The following TPD52 variants were observed in gnomAD, a reference collection of about 807,000 sequenced individuals.
The protein encoded by TPD52 is prostate and colon associated protein.
In TPD52, 17 loss-of-function variants were observed where a neutral mutation model predicts 31.3. That is an observed-to-expected ratio of 0.54 (90% CI 0.37 to 0.82). TPD52 has a LOEUF of 0.82. TPD52 is among the 40% of genes least tolerant of loss of function. The pLI is 0.00. For missense variants in TPD52, 212 were observed against 240.1 expected, an observed-to-expected ratio of 0.88 and a Z score of 0.77; for synonymous variants, 83 against 89.6, an observed-to-expected ratio of 0.93 and a Z score of 0.42.
At chr8:80,124,926 C>T (rs1357472073) in intron 1 of TPD52, among the ~76,000 whole-genome samples, 1 of 152,172 alleles carries the variant, frequency 6.6e-6, no homozygotes, top group Admixed American at 6.5e-5. Flanking sequence ...CACAACCTCC[C>T]TTACTCATAT....
rs995920027 is a variant in TPD52, at chr8:80,081,159, T to C, written c.20-16566A>G. ...GACTGACTTTTCTTTTCTCTCTCTTTTTTTTTTTTTTTTTTTTTTTAGAAA... is the reference window on the plus strand; with the variant it reads ...GACTGACTTTTCTTTTCTCTCTCTTCTTTTTTTTTTTTTTTTTTTTAGAAA... On this transcript the variant is annotated intron_variant, in intron 1 of 7. Coordinates refer to ENST00000518937, the MANE Select transcript of TPD52 (RefSeq NM_001025253.3). Among the ~76,000 whole-genome samples the C allele has an allele frequency of 1.3e-3, 172 of 135,618 alleles. No individual in the cohort carries two copies. The Middle Eastern group carries it at 0.018, about 14-fold the overall frequency. The allele number at this position is 135,618 out of a possible 152,430, so 89.0% of individuals were successfully genotyped here.
intron 1 of TPD52, among the ~76,000 whole-genome samples, chr8:80,157,943 T>C (rs1298963819): frequency 6.6e-6 from 1 of 152,202 alleles, no homozygotes; most frequent in Non-Finnish European, 1.5e-5. Context: ...TCCACAGGCA[T>C]AGCAAATCCA....
In TPD52 at chr8:80,072,317, A is replaced by ATATGTGTGTGTGTGTGTG. The variant is rs1554582865; in HGVS notation, c.20-7725_20-7724insCACACACACACACACATA. On this transcript the variant is annotated intron_variant, in intron 1 of 7. Transcript: ENST00000518937. ...GAGAGACTCCATCTAAAAAACATAT[A>ATATGTGTGTGTGTGTGTG]TGTGTGTGTGTGTGTGTGTGTGTGT... 2.0e-4 allele frequency among the ~76,000 whole-genome samples: 24 copies of ATATGTGTGTGTGTGTGTG among 121,312 alleles called. 2 individuals carry two copies. Among genetic ancestry groups the ATATGTGTGTGTGTGTGTG allele is most frequent in the African/African-American group, 8.4e-4 (23 of 27,378 alleles). 79.6% of individuals were successfully genotyped at this position (121,312 alleles called of 152,430 possible). A position where few individuals can be genotyped will look rare whatever the true frequency, so the allele number is the denominator to read the frequency against.
At chr8:80,167,672 C>T (rs1454892187) in intron 1 of TPD52, among the ~76,000 whole-genome samples, 1 of 152,182 alleles carries the variant, frequency 6.6e-6, no homozygotes, top group Non-Finnish European at 1.5e-5. Context: ...AATGATACCC[C>T]ACATTTCTGT....
intron 1 of TPD52, among the ~76,000 whole-genome samples, chr8:80,125,281 T>C (rs1808523508): frequency 2.0e-5 from 3 of 152,158 alleles, no homozygotes; most frequent in Non-Finnish European, 2.9e-5. Context: ...GAGACTAGCC[T>C]AACCAAAATA....
intron 1 of TPD52, among the ~76,000 whole-genome samples, chr8:80,150,704 T>C (rs767512669): frequency 3.9e-5 from 6 of 152,192 alleles, no homozygotes; most frequent in Non-Finnish European, 7.4e-5. Context: ...ATGGAGCCTG[T>C]AGCCCCTCCA....
intron 1 of TPD52, among the ~76,000 whole-genome samples, chr8:80,132,978 T>C (rs1241066796): frequency 6.6e-6 from 1 of 152,180 alleles, no homozygotes; most frequent in Non-Finnish European, 1.5e-5. Context: ...TAGTTCTCTA[T>C]CAGTTCAGCC....
Position 80,123,180 on chromosome 8 carries a change from G to T in TPD52, c.19+48245C>A, listed in dbSNP as rs1354564689. On this transcript the variant is annotated intron_variant, in intron 1 of 7. Coordinates refer to ENST00000518937, the MANE Select transcript of TPD52 (RefSeq NM_001025253.3). Reference sequence around the variant, plus strand: ...TGCATCTTAGATGAGTCTCTCTGGTGACTGTGGAGGACCAATTTGAAAGGG... The same window carrying T: ...TGCATCTTAGATGAGTCTCTCTGGTTACTGTGGAGGACCAATTTGAAAGGG... 2.0e-5 allele frequency: 3 copies of T among 152,288 alleles called. No homozygotes were observed. The East Asian group carries it at 5.8e-4, about 29-fold the overall frequency. 9.4% of individuals were successfully genotyped at this position (152,288 alleles called of 1,614,324 possible).
At chr8:80,057,341 T>C (rs930463749) in intron 2 of TPD52, among the ~76,000 whole-genome samples, 6 of 152,174 alleles carry the variant, frequency 3.9e-5, no homozygotes, top group Non-Finnish European at 7.3e-5. Flanking sequence ...AGCAATCCCA[T>C]TACTGGGTAT....
At chr8:80,170,119 G>A (rs1250837845) in intron 1 of TPD52, among the ~76,000 whole-genome samples, 1 of 152,100 alleles carries the variant, frequency 6.6e-6, no homozygotes, top group South Asian at 2.1e-4. Context: ...ACAAGTAAAT[G>A]AAAGTAAAGT....
chr8:80,161,989 A>C (rs1198458651), intron 1 of TPD52, among the ~76,000 whole-genome samples: 3 of 152,170 alleles, frequency 2.0e-5, no homozygotes, highest in Non-Finnish European at 4.4e-5. Context: ...TCAGCCTCCC[A>C]AAGTGCTGGG....
chr8:80,108,934 C>A (rs559772914), intron 1 of TPD52, among the ~76,000 whole-genome samples: 268 of 152,292 alleles, frequency 1.8e-3, no homozygotes, highest in African/African-American at 6.2e-3. Context: ...TGGAAAGCTA[C>A]TTGTGAAGAT....
chr8:80,074,337 T>C (rs1814269664), intron 1 of TPD52, among the ~76,000 whole-genome samples: 1 of 152,222 alleles, frequency 6.6e-6, no homozygotes, highest in Non-Finnish European at 1.5e-5. Context: ...GGATGTTTTT[T>C]CCCCATGTTA....
At chr8:80,051,298 G>T (rs1811361570) in intron 4 of TPD52, 1 of 539,818 alleles carries the variant, frequency 1.9e-6, no homozygotes, top group Non-Finnish European at 3.3e-6. Flanking sequence ...TTCACAACCA[G>T]AATTTTTCAA....
intron 1 of TPD52, among the ~76,000 whole-genome samples, chr8:80,071,965 A>T (rs866884495): frequency 2.6e-5 from 4 of 151,884 alleles, no homozygotes; most frequent in South Asian, 2.1e-4. Context: ...CAACACTCCC[A>T]CTATACCCTC....
chr8:80,047,103 G>A (rs1810936898), intron 5 of TPD52, among the ~76,000 whole-genome samples: 1 of 152,114 alleles, frequency 6.6e-6, no homozygotes, highest in Non-Finnish European at 1.5e-5. Flanking sequence ...TGTTCAAAGT[G>A]CTGGACAGTG....
intron 1 of TPD52, among the ~76,000 whole-genome samples, chr8:80,069,889 G>A (rs1057342511): frequency 2.6e-5 from 4 of 152,050 alleles, no homozygotes; most frequent in African/African-American, 9.7e-5. Flanking sequence ...GCCAAGAACC[G>A]GTAAGAGCTT....
chr8:80,080,492 G>A (rs779684497), intron 1 of TPD52: 1 of 1,608,824 alleles, frequency 6.2e-7, no homozygotes, highest in African/African-American at 1.3e-5. Context: ...CTAATCGCCT[G>A]ATATCAGCCT....
At chr8:80,052,276 C>T (rs542424363) in intron 3 of TPD52, among the ~76,000 whole-genome samples, 1 of 152,252 alleles carries the variant, frequency 6.6e-6, no homozygotes, top group South Asian at 2.1e-4. Context: ...TTCCCAGCTA[C>T]CTGGAGATTA....
Sources: gnomAD v4.1 joint callset for allele counts (sites outside exome capture counted in the v4.1 genomes callset) on GRCh38, gnomAD v4.1.1 for gene constraint, MANE v1.5 for transcripts, NCBI Gene and HGNC (gene_info 2026-07-23, HGNC 2026-07-21) for gene names.